Variants in SRSF8 observed in about 807,000 individuals in gnomAD.
SRSF8 encodes the protein serine and arginine rich splicing factor 8.
Under a neutral mutation model 2.0 loss-of-function variants are expected in SRSF8, and 3 were observed. The ratio of observed to expected loss-of-function variants is 1.47; its 90% CI spans 0.67 to 3.79. The LOEUF is 3.79. Ranked by LOEUF, SRSF8 falls within the 30% of genes most tolerant of loss-of-function variation. The pLI is 0.02. For synonymous variants in SRSF8, 162 were observed against 170.7 expected (o/e 0.95, Z 0.40); for missense variants, 408 against 410.9 (o/e 0.99, Z 0.06).
Position 95,068,363 on chromosome 11 carries a change from G to T in SRSF8, c.*288G>T. The stretch of plus-strand genomic sequence containing the variant: ...AAAAATTTATTTTTATTTCTATAGT[G>T]ATGACTGTTTTGGTTTGAAATGAAC... On this transcript the variant is annotated 3_prime_UTR_variant, in exon 1 of 1. Coordinates refer to ENST00000587424, the MANE Select transcript of SRSF8 (RefSeq NM_032102.4). The T allele has an allele frequency of 2.7e-6, 1 of 377,166 alleles. No homozygotes were observed. Among genetic ancestry groups the T allele is most frequent in the Non-Finnish European group, 5.1e-6 (1 of 195,370 alleles). 23.4% of individuals were successfully genotyped at this position (377,166 alleles called of 1,614,324 possible). A position where few individuals can be genotyped will look rare whatever the true frequency, so the allele number is the denominator to read the frequency against.
rs1858672010 is a variant in SRSF8 at position 95,067,679 on chromosome 11, G to C, written c.453G>C (p.Arg151Ser). ...GGTCCCGCAGCCGATCTCGCTATAG[G>C]GGTTCTCGCTATAGCCGGTCTCCCT... ...CSRSRSRSRY[R>S]GSRYSRSPYS... is the part of the protein sequence containing the mutation. The change falls in exon 1 of 1, where the codon AGG becomes AGC. Residue 151 changes from arginine (R) to serine (S), a missense_variant. Physicochemically the swap from Arg to Ser is moderately radical, Grantham distance 110. Transcript: ENST00000587424. The C allele has an allele frequency of 1.2e-6, 2 of 1,613,620 alleles. No homozygotes were observed. The highest frequency in any genetic ancestry group is 2.2e-5 in the East Asian group (1 of 44,866).
rs894683588 is a variant in SRSF8, at chr11:95,067,723, G to A, written c.497G>A (p.Ser166Asn). 14 of 1,614,030 alleles carry A rather than the reference G, an allele frequency of 8.7e-6. No individual in the cohort carries two copies. Among genetic ancestry groups the A allele is most frequent in the African/African-American group, 2.7e-5 (2 of 75,058 alleles). ...SRSPYSRSPYSRSRYSRSPYS... is the reference protein window; with the variant it reads ...SRSPYSRSPYNRSRYSRSPYS... ...TCTCCCTACAGCCGATCTCCTTACA[G>A]CCGGTCGCGCTACAGCCGCTCTCCC... The change falls in exon 1 of 1, where the codon AGC (serine) becomes AAC (asparagine). Residue 166 changes from serine to asparagine, a missense_variant. By Grantham distance (46) the Ser-to-Asn change is conservative. Around this residue, in one of 2 missense-constraint regions of SRSF8, gnomAD observed 346 missense variants for 316.5 expected, o/e 1.09. Coordinates refer to ENST00000587424, the MANE Select transcript of SRSF8 (RefSeq NM_032102.4).
rs1858718724 is a variant in SRSF8, at chr11:95,070,368, C to CAAAAAAATAAAAAAAAA, written c.*2300_*2301insTAAAAAAAAAAAAAAAA. On this transcript the variant is annotated 3_prime_UTR_variant, in exon 1 of 1. Transcript: ENST00000587424. ...GGGCAACAAGAGCAAAACTTCATCT[C>CAAAAAAATAAAAAAAAA]AAAAAAAAAAAAAAAAGAAAAAGGA... 1.4e-5 allele frequency: 1 copy of CAAAAAAATAAAAAAAAA among 73,762 alleles called. No homozygotes were observed. The highest frequency in any genetic ancestry group is 2.4e-5 in the Non-Finnish European group (1 of 42,130). The allele number at this position is 73,762 out of a possible 1,614,324, so 4.6% of individuals were successfully genotyped here.
Position 95,067,804 on chromosome 11 carries a change from C to T in SRSF8, c.578C>T (p.Ser193Phe). Residue 193 changes from serine (S) to phenylalanine (F), a missense_variant, in exon 1 of 1, where the codon TCT becomes TTT. Around this residue, in one of 2 missense-constraint regions of SRSF8, gnomAD observed 346 missense variants for 316.5 expected, o/e 1.09. Transcript: ENST00000587424. Reference sequence around the variant, plus strand: ...TACGGCGGATCTCACTACAGCTCATCTGGTTACAGTAACTCTCGCTACAGC... The same window carrying T: ...TACGGCGGATCTCACTACAGCTCATTTGGTTACAGTAACTCTCGCTACAGC... ...SRYGGSHYSS[S>F]GYSNSRYSRY... 6.2e-7 allele frequency: 1 copy of T among 1,614,068 alleles called. No individual in the cohort carries two copies. The highest frequency in any genetic ancestry group is 8.5e-7 in the Non-Finnish European group (1 of 1,179,898).
In SRSF8 at chr11:95,071,100, T is replaced by A. The variant is rs184861489; in HGVS notation, c.*3025T>A. On this transcript the variant is annotated 3_prime_UTR_variant, in exon 1 of 1. Transcript: ENST00000587424. ...AGTGGAATTTTGTGTGTACTGATTA[T>A]TTTGCTCAATACTATGTCTTTAAGA... 579 of 167,252 alleles carry A rather than the reference T, an allele frequency of 3.5e-3. 2 individuals are homozygous for A. Among genetic ancestry groups the A allele is most frequent in the Middle Eastern group, 0.017 (5 of 296 alleles). The allele number at this position is 167,252 out of a possible 1,614,324, so 10.4% of individuals were successfully genotyped here.
chr11:95,070,136 AG>A lies in SRSF8; in HGVS notation c.*2063del, dbSNP rs1428954383. On this transcript the variant is annotated 3_prime_UTR_variant, in exon 1 of 1. Coordinates refer to ENST00000587424, the MANE Select transcript of SRSF8 (RefSeq NM_032102.4). ...GTAATCCCAGCACTTTGGGAGGCCA[AG>A]GCAGGTGGATCACCTGAGGTCAGGA... The A allele has an allele frequency of 6.0e-6, 1 of 165,684 alleles. No homozygotes were observed. Among genetic ancestry groups the A allele is most frequent in the East Asian group, 1.9e-4 (1 of 5,192 alleles). 10.3% of individuals were successfully genotyped at this position (165,684 alleles called of 1,614,324 possible).
rs1555107196 is a variant in SRSF8 at position 95,067,819 on chromosome 11, C to G, written c.593C>G (p.Ser198Cys). The G allele has an allele frequency of 1.2e-6, 2 of 1,614,028 alleles. No individual in the cohort carries two copies. Among genetic ancestry groups the G allele is most frequent in the South Asian group, 1.1e-5 (1 of 91,086 alleles). Reference sequence around the variant, plus strand: ...TACAGCTCATCTGGTTACAGTAACTCTCGCTACAGCCGATATCACAGCAGC... The same window carrying G: ...TACAGCTCATCTGGTTACAGTAACTGTCGCTACAGCCGATATCACAGCAGC... ...SHYSSSGYSN[S>C]RYSRYHSSRS... The change falls in exon 1 of 1, where the codon TCT (serine) becomes TGT (cysteine). Residue 198 changes from serine to cysteine, a missense_variant. Ser to Cys is a moderately radical substitution (Grantham distance 112). Around this residue, in one of 2 missense-constraint regions of SRSF8, gnomAD observed 346 missense variants for 316.5 expected, o/e 1.09. Coordinates refer to ENST00000587424, the MANE Select transcript of SRSF8 (RefSeq NM_032102.4).
chr11:95,070,518 C>T lies in SRSF8; in HGVS notation c.*2443C>T, dbSNP rs1339187044. 1 of 167,146 alleles carries T rather than the reference C, an allele frequency of 6.0e-6. No homozygotes were observed. Among genetic ancestry groups the T allele is most frequent in the African/African-American group, 2.4e-5 (1 of 41,424 alleles). 10.4% of individuals were successfully genotyped at this position (167,146 alleles called of 1,614,324 possible). A position where few individuals can be genotyped will look rare whatever the true frequency, so the allele number is the denominator to read the frequency against. On this transcript the variant is annotated 3_prime_UTR_variant, in exon 1 of 1. Coordinates refer to ENST00000587424, the MANE Select transcript of SRSF8 (RefSeq NM_032102.4). ...TCTACTCTACATGTGGAAGACCTGACCCACAGAGGACATGAACCCATGAAG... is the reference window on the plus strand; with the variant it reads ...TCTACTCTACATGTGGAAGACCTGATCCACAGAGGACATGAACCCATGAAG...
Position 95,068,526 on chromosome 11 carries a change from A to G in SRSF8, c.*451A>G, listed in dbSNP as rs1858689351. On this transcript the variant is annotated 3_prime_UTR_variant, in exon 1 of 1. Transcript: ENST00000587424. Reference sequence around the variant, plus strand: ...CCTACAAAAGGTGGTGTAAATTAATATGGATAATTTTATTTACCTCCAGGT... The same window carrying G: ...CCTACAAAAGGTGGTGTAAATTAATGTGGATAATTTTATTTACCTCCAGGT... 5.7e-6 allele frequency: 1 copy of G among 175,702 alleles called. No individual in the cohort carries two copies. The highest frequency in any genetic ancestry group is 2.4e-5 in the African/African-American group (1 of 41,486). 10.9% of individuals were successfully genotyped at this position (175,702 alleles called of 1,614,324 possible). A position where few individuals can be genotyped will look rare whatever the true frequency, so the allele number is the denominator to read the frequency against.
rs782393847 is a variant in SRSF8, at chr11:95,067,416, G to A, written c.190G>A (p.Asp64Asn). Reference protein sequence around the residue: ...PRGFAFVRFHDRRDAQDAEAA... With the variant: ...PRGFAFVRFHNRRDAQDAEAA... ...GGGCTTCGCTTTCGTCCGCTTTCAC[G>A]ACCGGCGCGACGCCCAAGACGCCGA... The change falls in exon 1 of 1, where the codon GAC becomes AAC. Residue 64 changes from aspartate to asparagine, a missense_variant. Transcript: ENST00000587424. The A allele has an allele frequency of 2.6e-6, 4 of 1,562,134 alleles. No homozygotes were observed. The East Asian group carries it at 9.7e-5, about 38-fold the overall frequency.
In SRSF8 at chr11:95,068,231, A is replaced by C. The variant is rs967694082; in HGVS notation, c.*156A>C. Reference sequence around the variant, plus strand: ...TTTTGCCAGTTTGAAGCTTTGCATCAGGTGGCAAAATTCATTCTATGTGCC... The same window carrying C: ...TTTTGCCAGTTTGAAGCTTTGCATCCGGTGGCAAAATTCATTCTATGTGCC... On this transcript the variant is annotated 3_prime_UTR_variant, in exon 1 of 1. Transcript: ENST00000587424. The C allele has an allele frequency of 1.2e-4, 89 of 742,916 alleles. No individual in the cohort carries two copies. Among genetic ancestry groups the C allele is most frequent in the Non-Finnish European group, 1.8e-4 (84 of 458,124 alleles). 46.0% of individuals were successfully genotyped at this position (742,916 alleles called of 1,614,324 possible). A position where few individuals can be genotyped will look rare whatever the true frequency, so the allele number is the denominator to read the frequency against.
Position 95,070,398 on chromosome 11 carries a change from A to C in SRSF8, c.*2323A>C, listed in dbSNP as rs1858721892. The C allele has an allele frequency of 6.4e-6, 1 of 157,084 alleles. No individual in the cohort carries two copies. Among genetic ancestry groups the C allele is most frequent in the Non-Finnish European group, 1.6e-5 (1 of 63,648 alleles). 9.7% of individuals were successfully genotyped at this position (157,084 alleles called of 1,614,324 possible). ...AAAAAAAAAAAAGAAAAAGGAAAAA[A>C]ACAAACAAACAACAACTTTGAAACC... On this transcript the variant is annotated 3_prime_UTR_variant, in exon 1 of 1. Transcript: ENST00000587424.
Position 95,069,499 on chromosome 11 carries a change from C to T in SRSF8, c.*1424C>T, listed in dbSNP as rs1346208003. ...AGCCAATTGAATAAATTTATTCTTT[C>T]AATCATATGGATCTTCATTAATATT... On this transcript the variant is annotated 3_prime_UTR_variant, in exon 1 of 1. Transcript: ENST00000587424. 1 of 166,816 alleles carries T rather than the reference C, an allele frequency of 6.0e-6. No individual in the cohort carries two copies. The highest frequency in any genetic ancestry group is 1.5e-5 in the Non-Finnish European group (1 of 68,110). 10.3% of individuals were successfully genotyped at this position (166,816 alleles called of 1,614,324 possible).
At position 95,068,185 on chromosome 11, in the gene SRSF8, TTG is replaced by T; in HGVS notation, c.*114_*115del. ...AAGAAGAGGCTGCCTATTGAAAAGGTTGTGTCACACTTTTCTACCTTTTTGCC... is the reference window on the plus strand; with the variant it reads ...AAGAAGAGGCTGCCTATTGAAAAGGTTGTCACACTTTTCTACCTTTTTGCC... On this transcript the variant is annotated 3_prime_UTR_variant, in exon 1 of 1. Transcript: ENST00000587424. The T allele has an allele frequency of 1.8e-6, 2 of 1,124,912 alleles. No homozygotes were observed. Among genetic ancestry groups the T allele is most frequent in the South Asian group, 1.7e-5 (1 of 59,810 alleles). The allele number at this position is 1,124,912 out of a possible 1,614,324, so 69.7% of individuals were successfully genotyped here.
In SRSF8 at chr11:95,070,907, G is replaced by A. The variant is rs1225089707; in HGVS notation, c.*2832G>A. 1.2e-5 allele frequency: 2 copies of A among 167,136 alleles called. No homozygotes were observed. Among genetic ancestry groups the A allele is most frequent in the Admixed American group, 6.5e-5 (1 of 15,284 alleles). The allele number at this position is 167,136 out of a possible 1,614,324, so 10.4% of individuals were successfully genotyped here. On this transcript the variant is annotated 3_prime_UTR_variant, in exon 1 of 1. Transcript: ENST00000587424. ...AATGGATGACGGTGCTGTTTAGTGA[G>A]TTGGGGAAGACTGGGCGTGGTGATG...
chr11:95,067,883 C>G lies in SRSF8; in HGVS notation c.657C>G (p.Arg219=), dbSNP rs782535243. Residue 219 remains arginine (R), a synonymous_variant, in exon 1 of 1, where the codon CGC becomes CGG. Coordinates refer to ENST00000587424, the MANE Select transcript of SRSF8 (RefSeq NM_032102.4). ...AGTCTGGGTCCTCCACTAGCTCTCG[C>G]TCTGCATCAACCTCCAAATCGAGCT... The part of the protein sequence containing the change: ...HSKSGSSTSS[R]SASTSKSSSA... 6.2e-7 allele frequency: 1 copy of G among 1,614,038 alleles called. No individual in the cohort carries two copies. Among genetic ancestry groups the G allele is most frequent in the Admixed American group, 1.7e-5 (1 of 60,030 alleles).
chr11:95,067,951 C>G lies in SRSF8; in HGVS notation c.725C>G (p.Ser242Trp). ...TCCTCCTCGGTCTCCAGGTCTCGCT[C>G]GCGGTCCAGGTCTTCATCTATGACC... ...SKSSSVSRSR[S>W]RSRSSSMTRS... The change falls in exon 1 of 1, where the codon TCG (serine) becomes TGG (tryptophan). Residue 242 changes from serine (S) to tryptophan (W), a missense_variant. Physicochemically the swap from Ser to Trp is radical, Grantham distance 177. Around this residue, in one of 2 missense-constraint regions of SRSF8, gnomAD observed 346 missense variants for 316.5 expected, o/e 1.09. Transcript: ENST00000587424. The G allele has an allele frequency of 1.9e-6, 3 of 1,614,020 alleles. No homozygotes were observed. The highest frequency in any genetic ancestry group is 2.5e-6 in the Non-Finnish European group (3 of 1,179,896).
At position 95,069,738 on chromosome 11, in the gene SRSF8, A is replaced by T. The variant is rs1280442113; in HGVS notation, c.*1663A>T. Reference sequence around the variant, plus strand: ...TAATGACATTTCTTCTGGTCATGACAAATGTAATATTTTACAAATATAAAT... The same window carrying T: ...TAATGACATTTCTTCTGGTCATGACTAATGTAATATTTTACAAATATAAAT... On this transcript the variant is annotated 3_prime_UTR_variant, in exon 1 of 1. Transcript: ENST00000587424. The T allele has an allele frequency of 1.2e-5, 2 of 167,098 alleles. No homozygotes were observed. The highest frequency in any genetic ancestry group is 3.8e-4 in the East Asian group (2 of 5,200). The allele number at this position is 167,098 out of a possible 1,614,324, so 10.4% of individuals were successfully genotyped here.
Position 95,067,805 on chromosome 11 carries a change from T to C in SRSF8, c.579T>C (p.Ser193=), listed in dbSNP as rs1194922009. 6.2e-7 allele frequency: 1 copy of C among 1,614,046 alleles called. No homozygotes were observed. Residue 193 remains serine, a synonymous_variant, in exon 1 of 1, where the codon TCT becomes TCC. Transcript: ENST00000587424. ...ACGGCGGATCTCACTACAGCTCATC[T>C]GGTTACAGTAACTCTCGCTACAGCC... ...SRYGGSHYSS[S]GYSNSRYSRY... is the part of the protein sequence containing the mutation.
Sources: gnomAD v4.1 joint callset for allele counts on GRCh38, gnomAD v4.1.1 for gene constraint, gnomAD v4.1.1 regional missense constraint, MANE v1.5 for transcripts, NCBI Gene and HGNC (gene_info 2026-07-23, HGNC 2026-07-21) for gene names.